CNTNAP5: variants seen among roughly 807,000 people sequenced by gnomAD.
CNTNAP5 encodes contactin associated protein family member 5, also known as contactin-associated protein-like 5.
A neutral mutation model predicts 150.2 loss-of-function variants in CNTNAP5; 72 were observed. That is an observed-to-expected ratio of 0.48 (90% confidence interval 0.40 to 0.58). The LOEUF (loss-of-function observed/expected upper bound fraction) is 0.58. Among genes scored for constraint, CNTNAP5 ranks in the 20% least tolerant of loss-of-function variants. CNTNAP5 has a pLI of 0.00. For missense variants in CNTNAP5, 1,636 were observed against 1,626.2 expected, an observed-to-expected ratio of 1.01 and a Z score of -0.10; for synonymous variants, 672 against 619.8, an observed-to-expected ratio of 1.08 and a Z score of -1.25.
intron 3 of CNTNAP5, among the ~76,000 whole-genome samples, chr2:124,384,191 A>T (rs1012711865): frequency 6.6e-6 from 1 of 152,164 alleles, no homozygotes; most frequent in African/African-American, 2.4e-5. Context: ...CTCTCTTGTG[A>T]CATAATGAAG....
At chr2:124,104,053 T>C (rs1683121025) in intron 1 of CNTNAP5, among the ~76,000 whole-genome samples, 1 of 148,664 alleles carries the variant, frequency 6.7e-6, no homozygotes, top group African/African-American at 2.4e-5. Flanking sequence ...AAATCTATAT[T>C]ATATATAGAT....
intron 3 of CNTNAP5, among the ~76,000 whole-genome samples, chr2:124,349,793 A>T (rs1215494116): frequency 6.8e-6 from 1 of 147,806 alleles, no homozygotes; most frequent in Non-Finnish European, 1.5e-5. Flanking sequence ...TTTTTAAATC[A>T]TTGGGAGCCT....
At chr2:124,254,237 A>C (rs1257636133) in intron 3 of CNTNAP5, among the ~76,000 whole-genome samples, 1 of 152,186 alleles carries the variant, frequency 6.6e-6, no homozygotes, top group Non-Finnish European at 1.5e-5. Flanking sequence ...AGAATCCCAA[A>C]AGACACATTT....
At chr2:124,295,410 T>C (rs1246473453) in intron 3 of CNTNAP5, among the ~76,000 whole-genome samples, 2 of 152,218 alleles carry the variant, frequency 1.3e-5, no homozygotes, top group Non-Finnish European at 2.9e-5. Context: ...TTTCTGACTT[T>C]TCTTTCAGTA....
At chr2:124,655,286 T>C (rs1220624508) in intron 13 of CNTNAP5, among the ~76,000 whole-genome samples, 1 of 152,054 alleles carries the variant, frequency 6.6e-6, no homozygotes, top group Non-Finnish European at 1.5e-5. Context: ...AGAATGTTGG[T>C]TTTCAGCTTC....
intron 6 of CNTNAP5, among the ~76,000 whole-genome samples, chr2:124,469,314 C>CT (rs1322030409): frequency 2.0e-5 from 3 of 152,092 alleles, no homozygotes; most frequent in African/African-American, 4.8e-5. Flanking sequence ...AAGACAGCAG[C>CT]TTTTTTTCAT....
chr2:124,807,828 G>A (rs1021867047), intron 19 of CNTNAP5, among the ~76,000 whole-genome samples: 1 of 152,122 alleles, frequency 6.6e-6, no homozygotes, highest in Non-Finnish European at 1.5e-5. Context: ...CTTGCTTGTA[G>A]ATCTTCATTC....
chr2:124,555,442 C>A (rs1695730382), intron 10 of CNTNAP5, among the ~76,000 whole-genome samples: 1 of 152,130 alleles, frequency 6.6e-6, no homozygotes, highest in Admixed American at 6.5e-5. Context: ...ACCATGAAAC[C>A]CATATCACTG....
intron 11 of CNTNAP5, among the ~76,000 whole-genome samples, chr2:124,585,949 A>G (rs1222290331): frequency 1.3e-5 from 2 of 152,144 alleles, no homozygotes; most frequent in Non-Finnish European, 2.9e-5. Context: ...TGTGAGGTCA[A>G]GGCTTACAAA....
chr2:124,227,538 A>C (rs1368866193), intron 2 of CNTNAP5, among the ~76,000 whole-genome samples: 1 of 152,118 alleles, frequency 6.6e-6, no homozygotes, highest in Non-Finnish European at 1.5e-5. Flanking sequence ...GTAAGTAATA[A>C]ATACTTGTCA....
chr2:124,645,333 C>A (rs1437563718), intron 12 of CNTNAP5, among the ~76,000 whole-genome samples: 1 of 152,174 alleles, frequency 6.6e-6, no homozygotes, highest in Non-Finnish European at 1.5e-5. Flanking sequence ...ATAATCCCAG[C>A]ACTTTGGCAG....
intron 1 of CNTNAP5, among the ~76,000 whole-genome samples, chr2:124,167,297 T>A (rs572858783): frequency 1.3e-5 from 2 of 152,262 alleles, no homozygotes; most frequent in East Asian, 3.9e-4. Flanking sequence ...GATCTCTATT[T>A]AATGTATTTT....
chr2:124,389,971 T>C (rs976011726), intron 3 of CNTNAP5, among the ~76,000 whole-genome samples: 1 of 113,028 alleles, frequency 8.8e-6, no homozygotes, highest in Non-Finnish European at 2.1e-5. Flanking sequence ...TCCAAAATAA[T>C]AATAGTAATA....
intron 3 of CNTNAP5, among the ~76,000 whole-genome samples, chr2:124,365,314 C>A (rs2163250): frequency 2.0e-5 from 3 of 146,952 alleles, no homozygotes; most frequent in East Asian, 2.0e-4. Context: ...AGACTCTGTC[C>A]CAAAAAAAGG....
rs35374514 is a variant in CNTNAP5, at chr2:124,737,290, C to CAAA, written c.2078-9925_2078-9923dup. On this transcript the variant is annotated intron_variant, in intron 13 of 23. Coordinates refer to ENST00000682447, the MANE Select transcript of CNTNAP5 (RefSeq NM_001367498.1). ...TGGGCGACAGAGCGAGACTCCATCT[C>CAAA]AAAAAAAAAAAAAAAATTGGGAACG... Among the ~76,000 whole-genome samples the CAAA allele has an allele frequency of 3.0e-3, 380 of 126,622 alleles. 1 individual carries two copies. The highest frequency in any genetic ancestry group is 0.01 in the African/African-American group (357 of 34,464). The allele number at this position is 126,622 out of a possible 152,430, so 83.1% of individuals were successfully genotyped here. A position where few individuals can be genotyped will look rare whatever the true frequency, so the allele number is the denominator to read the frequency against.
intron 3 of CNTNAP5, among the ~76,000 whole-genome samples, chr2:124,310,205 C>G (rs1688790756): frequency 6.6e-6 from 1 of 151,972 alleles, no homozygotes; most frequent in Non-Finnish European, 1.5e-5. Context: ...TGAGGTGGTT[C>G]CTGGAACCCT....
chr2:124,364,288 C>T (rs984771819), intron 3 of CNTNAP5, among the ~76,000 whole-genome samples: 1 of 152,152 alleles, frequency 6.6e-6, no homozygotes, highest in Non-Finnish European at 1.5e-5. Flanking sequence ...CTACATGGCT[C>T]ACTCTTTACT....
intron 11 of CNTNAP5, among the ~76,000 whole-genome samples, chr2:124,565,861 AG>A (rs1696012021): frequency 6.6e-6 from 1 of 151,868 alleles, no homozygotes; most frequent in Non-Finnish European, 1.5e-5. Flanking sequence ...GGCCTCCCAA[AG>A]CGCTGGGATT....
intron 1 of CNTNAP5, among the ~76,000 whole-genome samples, chr2:124,033,909 C>A (rs1309431096): frequency 5.3e-5 from 8 of 151,376 alleles, no homozygotes; most frequent in Admixed American, 4.6e-4. Flanking sequence ...AGAAACAGAC[C>A]TTTTCCAGAA....
Sources: gnomAD v4.1 joint callset for allele counts (sites outside exome capture counted in the v4.1 genomes callset) on GRCh38, gnomAD v4.1.1 for gene constraint, MANE v1.5 for transcripts, NCBI Gene and HGNC (gene_info 2026-07-23, HGNC 2026-07-21) for gene names.